Variants in SRGAP1 observed in about 807,000 individuals in gnomAD.
The protein encoded by SRGAP1 is SLIT-ROBO Rho GTPase activating protein 1.
SRGAP1 carries 43 observed loss-of-function variants against 121.9 expected under a neutral mutation model. That is an observed-to-expected ratio of 0.35 (90% CI 0.28 to 0.46). The LOEUF (loss-of-function observed/expected upper bound fraction) is 0.46. SRGAP1 is among the 20% of genes least tolerant of loss of function. The pLI, the probability that SRGAP1 is intolerant of heterozygous loss-of-function variation, is 1.00. For synonymous variants in SRGAP1, 447 were observed against 485.4 expected (o/e 0.92, Z 1.04); for missense variants, 1,102 against 1,350.9 (o/e 0.82, Z 2.89).
At chr12:64,071,905 A>G (rs2035644156) in intron 8 of SRGAP1, among the ~76,000 whole-genome samples, 2 of 151,916 alleles carry the variant, frequency 1.3e-5, no homozygotes, top group Non-Finnish European at 2.9e-5. Context: ...GGGGCAGCAA[A>G]CATTGTTTTT....
chr12:63,953,787 A>C (rs1418976481), intron 1 of SRGAP1, among the ~76,000 whole-genome samples: 1 of 152,074 alleles, frequency 6.6e-6, no homozygotes, highest in African/African-American at 2.4e-5. Flanking sequence ...CCTTGCTGCC[A>C]TCTCAGTATT....
intron 1 of SRGAP1, among the ~76,000 whole-genome samples, chr12:63,944,800 G>A (rs1173526122): frequency 1.3e-5 from 2 of 152,172 alleles, no homozygotes; most frequent in African/African-American, 4.8e-5. Flanking sequence ...GCTTTGGTAA[G>A]GGAAGGTTCA....
intron 1 of SRGAP1, among the ~76,000 whole-genome samples, chr12:63,846,173 C>G (rs1898895927): frequency 6.6e-6 from 1 of 152,136 alleles, no homozygotes; most frequent in Non-Finnish European, 1.5e-5. Flanking sequence ...AGATTTTTGT[C>G]TGCTTGGAAT....
chr12:64,081,498 C>G (rs933756855), intron 10 of SRGAP1: 1 of 149,628 alleles, frequency 6.7e-6, no homozygotes, highest in Admixed American at 6.7e-5. Flanking sequence ...ACGCAAACTA[C>G]TAAAAAGTGT....
At chr12:63,904,920 C>T (rs1390938612) in intron 1 of SRGAP1, among the ~76,000 whole-genome samples, 2 of 152,060 alleles carry the variant, frequency 1.3e-5, no homozygotes, top group African/African-American at 4.8e-5. Context: ...AGTGACAGAG[C>T]AGGACCCTGT....
At chr12:64,088,591 G>A (rs372843450) in intron 11 of SRGAP1, among the ~76,000 whole-genome samples, 2 of 152,278 alleles carry the variant, frequency 1.3e-5, no homozygotes, top group South Asian at 2.1e-4. Context: ...AATGTTGAAC[G>A]TCCCTGGCTC....
chr12:64,151,621 A>G lies in SRGAP1; in HGVS notation c.*8949A>G, dbSNP rs564054738. The G allele has an allele frequency of 6.6e-6, 1 of 152,214 alleles. No individual in the cohort carries two copies. The highest frequency in any genetic ancestry group is 2.4e-5 in the African/African-American group (1 of 41,454). 9.4% of individuals were successfully genotyped at this position (152,214 alleles called of 1,614,324 possible). A position where few individuals can be genotyped will look rare whatever the true frequency, so the allele number is the denominator to read the frequency against. On this transcript the variant is annotated 3_prime_UTR_variant, in exon 22 of 22. Transcript: ENST00000355086. ...AAATTTACATCCCTGCCAGTAATGC[A>G]TAACAGTACACGAGTATAAAACATG...
At chr12:64,116,435 C>T (rs1268728105) in intron 18 of SRGAP1, among the ~76,000 whole-genome samples, 2 of 152,016 alleles carry the variant, frequency 1.3e-5, no homozygotes, top group African/African-American at 4.8e-5. Flanking sequence ...GGAGTAACCA[C>T]TATGTTTGTG....
rs1040933730 is a variant in SRGAP1 at position 64,150,515 on chromosome 12, T to C, written c.*7843T>C. On this transcript the variant is annotated 3_prime_UTR_variant, in exon 22 of 22. Transcript: ENST00000355086. ...AAAATCATGTCCCTCTAAATGCAAG[T>C]GGATGATTGTGCCAATAAGCCAGGA... 1 of 152,036 alleles carries C rather than the reference T, an allele frequency of 6.6e-6. No individual in the cohort carries two copies. The highest frequency in any genetic ancestry group is 1.5e-5 in the Non-Finnish European group (1 of 67,992). The allele number at this position is 152,036 out of a possible 1,614,324, so 9.4% of individuals were successfully genotyped here.
At chr12:64,068,438 G>T (rs1002579967) in intron 8 of SRGAP1, among the ~76,000 whole-genome samples, 1 of 151,830 alleles carries the variant, frequency 6.6e-6, no homozygotes, top group Non-Finnish European at 1.5e-5. Context: ...AGGCTCAGGT[G>T]ATCCTCCCAC....
chr12:64,074,415 T>C (rs1461020141), intron 8 of SRGAP1, among the ~76,000 whole-genome samples: 1 of 152,224 alleles, frequency 6.6e-6, no homozygotes, highest in Non-Finnish European at 1.5e-5. Context: ...TTTAAAATTC[T>C]AACCCCAGTA....
intron 1 of SRGAP1, among the ~76,000 whole-genome samples, chr12:63,937,079 A>G (rs574318500): frequency 6.6e-6 from 1 of 152,140 alleles, no homozygotes; most frequent in South Asian, 2.1e-4. Context: ...GAGGAGAGGG[A>G]AGAAAAGAAA....
chr12:63,847,607 A>G (rs1475158588), intron 1 of SRGAP1, among the ~76,000 whole-genome samples: 1 of 151,960 alleles, frequency 6.6e-6, no homozygotes, highest in Non-Finnish European at 1.5e-5. Flanking sequence ...TTAGCCGGAC[A>G]TGGTGGTGCA....
rs750329777 is a variant in SRGAP1 at position 64,142,399 on chromosome 12, A to G, written c.2985A>G (p.Gln995=). 3 of 1,613,958 alleles carry G rather than the reference A, an allele frequency of 1.9e-6. No individual in the cohort carries two copies. The highest frequency in any genetic ancestry group is 2.7e-5 in the African/African-American group (2 of 74,874). The part of the protein sequence containing the change: ...APDVVLDTLE[Q]VKNSPTPATS... Reference sequence around the variant, plus strand: ...ATGTGGTGCTGGATACCCTGGAGCAAGTGAAAAACTCTCCCACCCCTGCCA... The same window carrying G: ...ATGTGGTGCTGGATACCCTGGAGCAGGTGAAAAACTCTCCCACCCCTGCCA... Residue 995 remains glutamine, a synonymous_variant, in exon 22 of 22, where the codon CAA becomes CAG. Transcript: ENST00000355086.
At chr12:63,884,999 C>T (rs1180982744) in intron 1 of SRGAP1, among the ~76,000 whole-genome samples, 1 of 152,056 alleles carries the variant, frequency 6.6e-6, no homozygotes, top group Non-Finnish European at 1.5e-5. Flanking sequence ...GGATTACAGG[C>T]GTGAGCCACC....
chr12:63,937,113 T>C (rs1467716519), intron 1 of SRGAP1, among the ~76,000 whole-genome samples: 1 of 152,190 alleles, frequency 6.6e-6, no homozygotes, highest in Admixed American at 6.5e-5. Context: ...GAAAGTGTGC[T>C]CAGCATTTGG....
intron 1 of SRGAP1, among the ~76,000 whole-genome samples, chr12:63,901,707 T>C (rs948605388): frequency 6.6e-6 from 1 of 152,184 alleles, no homozygotes; most frequent in South Asian, 2.1e-4. Context: ...CAGTTTGGCC[T>C]CCCAACTTTT....
chr12:64,075,598 G>A (rs2035722918), intron 8 of SRGAP1, among the ~76,000 whole-genome samples: 1 of 152,134 alleles, frequency 6.6e-6, no homozygotes, highest in Admixed American at 6.5e-5. Context: ...TTTAAAACCT[G>A]TGCGTGATAC....
At chr12:63,855,493 T>TG (rs1899216571) in intron 1 of SRGAP1, among the ~76,000 whole-genome samples, 1 of 133,938 alleles carries the variant, frequency 7.5e-6, no homozygotes, top group Non-Finnish European at 1.6e-5. Context: ...TTTTTTTTTT[T>TG]TTTTTTTTTT....
Sources: gnomAD v4.1 joint callset for allele counts (sites outside exome capture counted in the v4.1 genomes callset) on GRCh38, gnomAD v4.1.1 for gene constraint, MANE v1.5 for transcripts, NCBI Gene and HGNC (gene_info 2026-07-23, HGNC 2026-07-21) for gene names.